TESC: variants seen among roughly 807,000 people sequenced by gnomAD.
TESC encodes calcineurin B homologous protein 3.
Under a neutral mutation model 31.0 loss-of-function variants are expected in TESC, and 19 were observed. That is an observed-to-expected ratio of 0.61 (90% CI 0.43 to 0.90). TESC has a LOEUF of 0.90. TESC is among the 40% of genes least tolerant of loss of function. The pLI is 0.00. For synonymous variants in TESC, 109 were observed against 114.8 expected, an observed-to-expected ratio of 0.95 and a Z score of 0.32; for missense variants, 248 against 303.8, an observed-to-expected ratio of 0.82 and a Z score of 1.36.
chr12:117,042,673 G>C (rs896642898), intron 6 of TESC, among the ~76,000 whole-genome samples: 3 of 152,214 alleles, frequency 2.0e-5, no homozygotes, highest in African/African-American at 7.2e-5. Flanking sequence ...CTCTGGGGAT[G>C]ACACCAGGTG....
In TESC at chr12:117,086,606, T is replaced by A. The variant is rs938997473; in HGVS notation, c.59-11266A>T. Among the ~76,000 whole-genome samples, 3 of 151,602 alleles carry A rather than the reference T, an allele frequency of 2.0e-5. 1 individual carries two copies. The South Asian group carries it at 6.3e-4, about 32-fold the overall frequency. ...CACCACAGCACCCAGCTAATTTTTT[T>A]AATTTTTCTTTTGTAGAGACAGGGT... On this transcript the variant is annotated intron_variant, in intron 1 of 7. Transcript: ENST00000335209.
Position 117,042,013 on chromosome 12 carries a change from G to A in TESC, c.520-19C>T. Reference sequence around the variant, plus strand: ...CAGGCTCCTGGGGACGGAAGCACAGGGTGGACAGTGAGTGGCGCAGGTCCC... The same window carrying A: ...CAGGCTCCTGGGGACGGAAGCACAGAGTGGACAGTGAGTGGCGCAGGTCCC... On this transcript the variant is annotated intron_variant, in intron 6 of 7. Transcript: ENST00000335209. The A allele has an allele frequency of 6.3e-7, 1 of 1,588,158 alleles. No individual in the cohort carries two copies. The highest frequency in any genetic ancestry group is 8.6e-7 in the Non-Finnish European group (1 of 1,166,754).
At chr12:117,054,762 G>A (rs188962929) in intron 3 of TESC, among the ~76,000 whole-genome samples, 156 of 152,256 alleles carry the variant, frequency 1.0e-3, no homozygotes, top group South Asian at 4.4e-3. Context: ...CATCAGGGAA[G>A]CCCCCACGGT....
rs561248579 is a variant in TESC at position 117,044,103 on chromosome 12, A to C, written c.520-2109T>G. On this transcript the variant is annotated intron_variant, in intron 6 of 7. Coordinates refer to ENST00000335209, the MANE Select transcript of TESC (RefSeq NM_017899.4). ...TTAGCAAAACATCTCTTTTTTAAAA[A>C]ACTTTTAAAAATTAGCTGGGTGTGG... Among the ~76,000 whole-genome samples, 203 of 152,112 alleles carry C rather than the reference A, an allele frequency of 1.3e-3. 1 individual carries two copies. Among genetic ancestry groups the C allele is most frequent in the Non-Finnish European group, 2.5e-3 (167 of 68,000 alleles).
intron 1 of TESC, among the ~76,000 whole-genome samples, chr12:117,084,777 C>T (rs1278967018): frequency 6.6e-6 from 1 of 152,208 alleles, no homozygotes. Flanking sequence ...TTTGGGGCAC[C>T]AGGACTCTGT....
intron 2 of TESC, among the ~76,000 whole-genome samples, chr12:117,065,796 C>T (rs1593007239): frequency 6.6e-6 from 1 of 152,010 alleles, no homozygotes; most frequent in South Asian, 2.1e-4. Context: ...GCAGGAGGAT[C>T]GCTTGAGCCT....
chr12:117,068,045 C>A (rs1260757361), intron 2 of TESC, among the ~76,000 whole-genome samples: 1 of 152,182 alleles, frequency 6.6e-6, no homozygotes, highest in African/African-American at 2.4e-5. Flanking sequence ...GTGCATGCCA[C>A]CATGCCCGGC....
At chr12:117,089,309 G>C (rs1030128784) in intron 1 of TESC, among the ~76,000 whole-genome samples, 1 of 152,184 alleles carries the variant, frequency 6.6e-6, no homozygotes, top group Admixed American at 6.5e-5. Context: ...ACTGTGTAAG[G>C]CTCTTCTAAA....
chr12:117,055,447 A>T (rs1954707157), intron 3 of TESC, among the ~76,000 whole-genome samples: 1 of 152,056 alleles, frequency 6.6e-6, no homozygotes, highest in Non-Finnish European at 1.5e-5. Flanking sequence ...CTGACCGATT[A>T]TCTCCATTTT....
intron 6 of TESC, 23 bp from the exon 7 acceptor site, chr12:117,042,017 G>A: frequency 6.3e-7 from 1 of 1,586,288 alleles, no homozygotes; most frequent in Non-Finnish European, 8.6e-7. Context: ...GCACAGGGTG[G>A]ACAGTGAGTG....
chr12:117,075,973 A>ATG (rs1955069282), intron 1 of TESC, among the ~76,000 whole-genome samples: 1 of 116,390 alleles, frequency 8.6e-6, no homozygotes, highest in Non-Finnish European at 1.7e-5. Flanking sequence ...ATATGTATGT[A>ATG]TATATATATA....
intron 1 of TESC, among the ~76,000 whole-genome samples, chr12:117,075,668 T>C (rs1050572296): frequency 5.3e-5 from 8 of 150,868 alleles, no homozygotes; most frequent in African/African-American, 2.0e-4. Flanking sequence ...AGAAACTTTG[T>C]TTTCTGTGGC....
intron 2 of TESC, among the ~76,000 whole-genome samples, chr12:117,072,841 A>C (rs1368956274): frequency 6.6e-6 from 1 of 151,984 alleles, no homozygotes; most frequent in East Asian, 1.9e-4. Flanking sequence ...ACAGTGGTGC[A>C]CTCATAGCCC....
At chr12:117,082,641 T>C (rs1289085789) in intron 1 of TESC, among the ~76,000 whole-genome samples, 2 of 152,192 alleles carry the variant, frequency 1.3e-5, no homozygotes, top group East Asian at 1.9e-4. Context: ...GAAAATGTCA[T>C]ATGGCATGTT....
intron 1 of TESC, among the ~76,000 whole-genome samples, chr12:117,075,939 A>ATGTGTG (rs1213149673): frequency 4.8e-5 from 5 of 104,016 alleles, no homozygotes; most frequent in Non-Finnish European, 7.2e-5. Flanking sequence ...ATATATATAT[A>ATGTGTG]TGTATATATA....
chr12:117,047,262 C>T (rs564475597), intron 4 of TESC, among the ~76,000 whole-genome samples: 4 of 152,334 alleles, frequency 2.6e-5, no homozygotes, highest in South Asian at 2.1e-4. Context: ...TAGCAGGTCA[C>T]GGTCCACAGT....
chr12:117,078,089 C>G (rs10850756), intron 1 of TESC, among the ~76,000 whole-genome samples: 29,004 of 152,056 alleles, frequency 0.19, 3,707 homozygotes, highest in African/African-American at 0.36. Flanking sequence ...AGATGCAACA[C>G]GTACAAAAAC....
At chr12:117,049,288 G>A (rs1009708493) in intron 3 of TESC, 130 bp from the exon 4 acceptor site, 6 of 1,330,584 alleles carry the variant, frequency 4.5e-6, no homozygotes, top group African/African-American at 1.4e-5. Flanking sequence ...CTCGCCTTGC[G>A]TCTGTGCCCC....
chr12:117,099,240 C>T lies in TESC; in HGVS notation c.43G>A (p.Glu15Lys). Residue 15 changes from glutamate (E) to lysine (K), a missense_variant, in exon 1 of 8, where the codon GAG (glutamate) becomes AAG (lysine). Glu to Lys is a moderately conservative substitution (Grantham distance 56). Coordinates refer to ENST00000335209, the MANE Select transcript of TESC (RefSeq NM_017899.4). ...HSASEEVREL[E>K]GKTGFSSDQI... ...GGGTACTCACAGCCGGTCTTGCCCT[C>T]GAGCTCCCGCACCTCCTCAGACGCG... 6.8e-7 allele frequency: 1 copy of T among 1,478,490 alleles called. No homozygotes were observed. The highest frequency in any genetic ancestry group is 8.9e-7 in the Non-Finnish European group (1 of 1,122,574). The allele number at this position is 1,478,490 out of a possible 1,614,324, so 91.6% of individuals were successfully genotyped here.
Sources: gnomAD v4.1 joint callset for allele counts (sites outside exome capture counted in the v4.1 genomes callset) on GRCh38, gnomAD v4.1.1 for gene constraint, MANE v1.5 for transcripts, NCBI Gene and HGNC (gene_info 2026-07-23, HGNC 2026-07-21) for gene names.